Variants in TMEM164 observed in about 807,000 individuals in gnomAD.
The protein encoded by TMEM164 is RP13-360B22.2.
Under a neutral mutation model 18.8 loss-of-function variants are expected in TMEM164, and 4 were observed. The ratio of observed to expected loss-of-function variants is 0.21; its 90% confidence interval spans 0.10 to 0.49. The LOEUF (loss-of-function observed/expected upper bound fraction) is 0.49. Ranked by LOEUF, TMEM164 falls within the 20% of genes least tolerant of loss-of-function variation. TMEM164 has a pLI of 0.98. For synonymous variants in TMEM164, 86 were observed against 101.7 expected, an observed-to-expected ratio of 0.85 and a Z score of 0.93; for missense variants, 108 against 239.9, an observed-to-expected ratio of 0.45 and a Z score of 3.63.
chrX:110,167,235 G>T (rs867606244), intron 5 of TMEM164, among the ~76,000 whole-genome samples: 50 of 112,110 alleles, frequency 4.5e-4, no homozygotes, highest in African/African-American at 1.5e-3. Context: ...GCCCTTAGAG[G>T]TAGATGTTAC....
chrX:110,036,416 T>G (rs1398188170), intron 2 of TMEM164, among the ~76,000 whole-genome samples: 1 of 112,361 alleles, frequency 8.9e-6, no homozygotes, highest in East Asian at 2.8e-4. Flanking sequence ...CTGCCCCTTT[T>G]TTTGGTTATC....
At chrX:110,120,401 C>T (rs180999114) in intron 4 of TMEM164, among the ~76,000 whole-genome samples, 369 of 112,366 alleles carry the variant, frequency 3.3e-3, no homozygotes, top group African/African-American at 0.011. Flanking sequence ...TGGTTCTCAA[C>T]GCTGGCTGCA....
At chrX:110,063,952 G>T (rs1936220880) in intron 2 of TMEM164, among the ~76,000 whole-genome samples, 1 of 111,232 alleles carries the variant, frequency 9.0e-6, no homozygotes, top group Admixed American at 9.5e-5. Flanking sequence ...CATGAGCCCT[G>T]GTATGTGTCA....
At chrX:110,109,011 A>G (rs1028044652) in intron 3 of TMEM164, 69 bp from the exon 4 acceptor site, 13 of 1,056,373 alleles carry the variant, frequency 1.2e-5, no homozygotes, top group Non-Finnish European at 1.7e-5. Flanking sequence ...GCTTAACCTG[A>G]TGTGTCTTTT....
intron 5 of TMEM164, among the ~76,000 whole-genome samples, chrX:110,155,112 C>T (rs1020603253): frequency 8.9e-6 from 1 of 111,763 alleles, no homozygotes; most frequent in Non-Finnish European, 1.9e-5. Context: ...TTGTGCCTTG[C>T]TGTGTTCTAA....
At chrX:110,004,340 A>C (rs926527407) in intron 2 of TMEM164, among the ~76,000 whole-genome samples, 176 bp downstream of exon 2, 3 of 111,273 alleles carry the variant, frequency 2.7e-5, no homozygotes, top group African/African-American at 9.8e-5. Flanking sequence ...TCACCTTTGC[A>C]CAGTGCGTCA....
At chrX:110,103,948 GA>G (rs1458208736) in intron 3 of TMEM164, among the ~76,000 whole-genome samples, 1 of 111,044 alleles carries the variant, frequency 9.0e-6, no homozygotes, top group Non-Finnish European at 1.9e-5. Context: ...AAATATATTG[GA>G]AAAAGGTTTG....
At chrX:110,162,665 G>T (rs758297294) in intron 5 of TMEM164, among the ~76,000 whole-genome samples, 5 of 112,138 alleles carry the variant, frequency 4.5e-5, no homozygotes, top group Non-Finnish European at 9.4e-5. Context: ...ATCATCTTGG[G>T]GTTGTGCCAT....
chrX:110,102,773 T>C (rs368720536), intron 3 of TMEM164, among the ~76,000 whole-genome samples: 1 of 112,410 alleles, frequency 8.9e-6, no homozygotes, highest in East Asian at 2.8e-4. Flanking sequence ...TTGTCTGTAG[T>C]CACTTGGCCA....
At chrX:110,179,075 G>A (rs1181007006), downstream of TMEM164, among the ~76,000 whole-genome samples, 1 of 111,597 alleles carries the variant, frequency 9.0e-6, no homozygotes, top group African/African-American at 3.3e-5. Context: ...AGGAATCAAG[G>A]CCTGTCAGCA....
chrX:110,002,584 T>G (rs1602451584), upstream of TMEM164: 1 of 52,024 alleles, frequency 1.9e-5, no homozygotes, highest in Non-Finnish European at 3.7e-5. Context: ...GCAGTGGCGG[T>G]GGCAGCGGGG....
intron 2 of TMEM164, among the ~76,000 whole-genome samples, chrX:110,057,669 T>A (rs749914311): frequency 2.7e-5 from 3 of 110,206 alleles, no homozygotes; most frequent in Non-Finnish European, 5.7e-5. Flanking sequence ...TCTTTTGCAT[T>A]TTTTATAATA....
At chrX:110,170,414 A>G (rs970852722) in intron 5 of TMEM164, among the ~76,000 whole-genome samples, 2 of 112,824 alleles carry the variant, frequency 1.8e-5, no homozygotes, top group Admixed American at 9.3e-5. Context: ...GGAATACACA[A>G]GGTGCCTCAT....
At chrX:110,132,723 C>A (rs2066630280) in intron 4 of TMEM164, among the ~76,000 whole-genome samples, 1 of 111,825 alleles carries the variant, frequency 8.9e-6, no homozygotes, top group Non-Finnish European at 1.9e-5. Context: ...TAATATACCA[C>A]AATGTATTTC....
At chrX:110,125,504 G>C (rs1241510927) in intron 4 of TMEM164, among the ~76,000 whole-genome samples, 8 of 111,634 alleles carry the variant, frequency 7.2e-5, no homozygotes, top group Non-Finnish European at 3.8e-5. Context: ...TGGCTCGGGT[G>C]GGGGTTGCAA....
intron 3 of TMEM164, among the ~76,000 whole-genome samples, chrX:110,105,719 CAG>C (rs1408540655): frequency 2.4e-4 from 22 of 92,441 alleles, no homozygotes; most frequent in African/African-American, 5.6e-4. Context: ...CACACACACA[CAG>C]ACACACACAC....
At chrX:110,107,139 A>G (rs2066215857) in intron 3 of TMEM164, among the ~76,000 whole-genome samples, 1 of 112,335 alleles carries the variant, frequency 8.9e-6, no homozygotes, top group Admixed American at 9.4e-5. Flanking sequence ...AAGGAGGGAA[A>G]GAGGAACATT....
chrX:110,027,762 A>AAAAAAT (rs1934273044), intron 2 of TMEM164, among the ~76,000 whole-genome samples: 1 of 111,167 alleles, frequency 9.0e-6, no homozygotes, highest in Non-Finnish European at 1.9e-5. Context: ...TCCGTCTCAA[A>AAAAAAT]AAAAATAAAA....
chrX:110,086,491 G>A (rs1040644604), intron 3 of TMEM164, among the ~76,000 whole-genome samples: 1 of 110,867 alleles, frequency 9.0e-6, no homozygotes, highest in African/African-American at 3.3e-5. Flanking sequence ...AAGTTCTGGA[G>A]ATAGCTGGCA....
Sources: allele counts gnomAD v4.1 joint callset (sites outside exome capture counted in the v4.1 genomes callset), GRCh38; gene constraint gnomAD v4.1.1; transcripts MANE v1.5; gene names NCBI Gene and HGNC (gene_info 2026-07-23, HGNC 2026-07-21).